EIF2AK4: variants seen among roughly 807,000 people sequenced by gnomAD.
The protein encoded by EIF2AK4 is eukaryotic translation initiation factor 2 alpha kinase 4, also known as eIF-2-alpha kinase GCN2.
In EIF2AK4, 139 loss-of-function variants were observed where a neutral mutation model predicts 211.1. The ratio of observed to expected loss-of-function variants is 0.66; its 90% confidence interval spans 0.57 to 0.76. The LOEUF (loss-of-function observed/expected upper bound fraction) is 0.76. Among genes scored for constraint, EIF2AK4 ranks in the 30% least tolerant of loss-of-function variants. EIF2AK4 has a pLI of 0.00. For missense variants in EIF2AK4, 1,664 were observed against 2,043.8 expected, an observed-to-expected ratio of 0.81 and a Z score of 3.58; for synonymous variants, 710 against 751.3, an observed-to-expected ratio of 0.94 and a Z score of 0.90.
At chr15:39,948,989 T>A in intron 3 of EIF2AK4, 127 bp from the exon 4 acceptor site, 2 of 1,121,784 alleles carry the variant, frequency 1.8e-6, no homozygotes, top group Non-Finnish European at 2.6e-6. Context: ...GTATGTCATA[T>A]CAAAATGAAT....
chr15:40,016,471 G>A (rs1386114816), intron 27 of EIF2AK4, 31 bp from the exon 28 acceptor site: 2 of 1,613,170 alleles, frequency 1.2e-6, no homozygotes, highest in Non-Finnish European at 1.7e-6. Context: ...TGCTGTGGAT[G>A]GGCAGCTGAC....
chr15:40,011,150 A>T, intron 26 of EIF2AK4, 131 bp from the exon 27 acceptor site: 1 of 569,798 alleles, frequency 1.8e-6, no homozygotes, highest in Non-Finnish European at 3.0e-6. Flanking sequence ...CACAGAATTC[A>T]ATCTATCCTG....
At chr15:40,013,179 TA>T (rs2035257669) in intron 27 of EIF2AK4, among the ~76,000 whole-genome samples, 1 of 152,248 alleles carries the variant, frequency 6.6e-6, no homozygotes, top group Non-Finnish European at 1.5e-5. Flanking sequence ...TTTTTCTTTT[TA>T]TTTTTTTGAG....
At chr15:40,032,480 A>T (rs1048198335) in intron 36 of EIF2AK4, among the ~76,000 whole-genome samples, 5 of 152,248 alleles carry the variant, frequency 3.3e-5, no homozygotes, top group African/African-American at 4.8e-5. Flanking sequence ...TTTCCTACAT[A>T]TATCAGGCCT....
intron 33 of EIF2AK4, among the ~76,000 whole-genome samples, chr15:40,027,642 G>A (rs900398892): frequency 2.6e-5 from 4 of 152,170 alleles, no homozygotes; most frequent in South Asian, 4.1e-4. Flanking sequence ...TGTAATCCCA[G>A]CACTTTGGGA....
At chr15:39,989,230 A>G (rs532541154) in intron 15 of EIF2AK4, among the ~76,000 whole-genome samples, 58 of 152,336 alleles carry the variant, frequency 3.8e-4, no homozygotes, top group African/African-American at 1.3e-3. Flanking sequence ...TAGCTTCAGG[A>G]TGAAACACTG....
intron 1 of EIF2AK4, among the ~76,000 whole-genome samples, chr15:39,939,244 T>G (rs1388713333): frequency 6.6e-6 from 1 of 152,186 alleles, no homozygotes; most frequent in Non-Finnish European, 1.5e-5. Flanking sequence ...GCATAATAAC[T>G]CAGTAACATC....
intron 32 of EIF2AK4, 117 bp downstream of exon 32, chr15:40,022,722 C>CAG: frequency 1.2e-6 from 1 of 803,334 alleles, no homozygotes; most frequent in Non-Finnish European, 2.0e-6. Context: ...CTCTACTCTC[C>CAG]CTTTCCATTG....
At chr15:39,943,883 A>C (rs1279999992) in intron 3 of EIF2AK4, among the ~76,000 whole-genome samples, 2 of 152,114 alleles carry the variant, frequency 1.3e-5, no homozygotes, top group Admixed American at 6.6e-5. Flanking sequence ...TGAGCCCAGG[A>C]GTTTGAGGTT....
At chr15:39,956,807 C>A (rs1212148693) in intron 6 of EIF2AK4, among the ~76,000 whole-genome samples, 1 of 152,082 alleles carries the variant, frequency 6.6e-6, no homozygotes, top group Non-Finnish European at 1.5e-5. Context: ...TTAAAACCAC[C>A]ACTTTGCTTC....
intron 27 of EIF2AK4, among the ~76,000 whole-genome samples, chr15:40,012,116 TATG>T (rs1441548651): frequency 2.0e-5 from 3 of 152,152 alleles, no homozygotes; most frequent in African/African-American, 7.2e-5. Flanking sequence ...TAGATTAAAA[TATG>T]ATTGTACACA....
chr15:40,008,146 A>C lies in EIF2AK4; in HGVS notation c.3527A>C (p.Glu1176Ala), dbSNP rs376436191. The change falls in exon 25 of 39, where the codon GAA (glutamate) becomes GCA (alanine). Residue 1176 changes from glutamate (E) to alanine (A), a missense_variant. Physicochemically the swap from Glu to Ala is moderately radical, Grantham distance 107. Coordinates refer to ENST00000263791, the MANE Select transcript of EIF2AK4 (RefSeq NM_001013703.4). ...ACCAACAGCTTTCTGCCCACTGCTG[A>C]AATTATCTACACTATCTATGAAATC... is the stretch of plus-strand genomic sequence containing the variant. ...STTNSFLPTA[E>A]IIYTIYEIIQ... 2 of 1,612,386 alleles carry C rather than the reference A, an allele frequency of 1.2e-6. No individual in the cohort carries two copies. Among genetic ancestry groups the C allele is most frequent in the African/African-American group, 2.7e-5 (2 of 74,800 alleles).
intron 35 of EIF2AK4, among the ~76,000 whole-genome samples, 183 bp downstream of exon 35, chr15:40,030,639 G>A (rs142908647): frequency 6.6e-6 from 1 of 152,156 alleles, no homozygotes; most frequent in Non-Finnish European, 1.5e-5. Context: ...CTGTCCTTCA[G>A]AGAGGGGCCA....
intron 25 of EIF2AK4, 82 bp from the exon 26 acceptor site, chr15:40,009,532 A>G: frequency 1.3e-6 from 1 of 791,276 alleles, no homozygotes; most frequent in South Asian, 1.7e-5. Context: ...TAGGATGACA[A>G]ATTGGTGGTA....
Position 40,022,468 on chromosome 15 carries a change from CT to C in EIF2AK4, c.4303-50del, listed in dbSNP as rs55756820. On this transcript the variant is annotated intron_variant, in intron 31 of 38. Transcript: ENST00000263791. Reference sequence around the variant, plus strand: ...TTTCATTCTCCTTAATTACTTGAAGCTGTTCCAGGTGCTCTGTGTTTATTTT... The same window carrying C: ...TTTCATTCTCCTTAATTACTTGAAGCGTTCCAGGTGCTCTGTGTTTATTTT... 0.039 allele frequency: 56,088 copies of C among 1,444,174 alleles called. 1,329 individuals are homozygous for C. The highest frequency in any genetic ancestry group is 0.044 in the Non-Finnish European group (45,966 of 1,035,088). The allele number at this position is 1,444,174 out of a possible 1,614,324, so 89.5% of individuals were successfully genotyped here. A position where few individuals can be genotyped will look rare whatever the true frequency, so the allele number is the denominator to read the frequency against.
chr15:39,992,008 G>A, intron 16 of EIF2AK4, 167 bp from the exon 17 acceptor site: 1 of 556,220 alleles, frequency 1.8e-6, no homozygotes, highest in Non-Finnish European at 3.0e-6. Flanking sequence ...TGAGAGCCTT[G>A]CATTAGTGGG....
chr15:40,002,924 A>C, intron 22 of EIF2AK4, 136 bp downstream of exon 22: 1 of 1,120,812 alleles, frequency 8.9e-7, no homozygotes, highest in Non-Finnish European at 1.3e-6. Context: ...TATGGAATTT[A>C]AGCTTATTTT....
At chr15:39,964,476 T>C (rs1369057784) in intron 7 of EIF2AK4, among the ~76,000 whole-genome samples, 1 of 152,142 alleles carries the variant, frequency 6.6e-6, no homozygotes, top group African/African-American at 2.4e-5. Context: ...CGGGGTGCTA[T>C]TGGCATCTAG....
intron 20 of EIF2AK4, among the ~76,000 whole-genome samples, chr15:40,000,639 A>G (rs2035077101): frequency 6.6e-6 from 1 of 152,238 alleles, no homozygotes; most frequent in Non-Finnish European, 1.5e-5. Flanking sequence ...TTAGGCATGT[A>G]AAGCTATTTG....
Sources: gnomAD v4.1 joint callset for allele counts (sites outside exome capture counted in the v4.1 genomes callset) on GRCh38, gnomAD v4.1.1 for gene constraint, MANE v1.5 for transcripts, NCBI Gene and HGNC (gene_info 2026-07-23, HGNC 2026-07-21) for gene names.